BZW2: variants seen among roughly 807,000 people sequenced by gnomAD.
BZW2 encodes eIF5-mimic protein 1.
A neutral mutation model predicts 53.2 loss-of-function variants in BZW2; 23 were observed. That is an observed-to-expected ratio of 0.43 (90% CI 0.31 to 0.61). The LOEUF (loss-of-function observed/expected upper bound fraction) is 0.61, where lower values mean the gene tolerates loss of function less well. BZW2 is among the 20% of genes least tolerant of loss of function. BZW2 has a pLI of 0.09. For missense variants in BZW2, 409 were observed against 503.1 expected, an observed-to-expected ratio of 0.81 and a Z score of 1.79; for synonymous variants, 227 against 186.4, an observed-to-expected ratio of 1.22 and a Z score of -1.77.
At chr7:16,680,591 G>T (rs548115329) in intron 3 of BZW2, among the ~76,000 whole-genome samples, 115 of 152,184 alleles carry the variant, frequency 7.6e-4, no homozygotes, top group South Asian at 4.1e-3. Context: ...GACCACTTGA[G>T]CCCAGTAGTT....
At chr7:16,676,995 GT>G (rs1782785116) in intron 3 of BZW2, among the ~76,000 whole-genome samples, 2 of 150,000 alleles carry the variant, frequency 1.3e-5, no homozygotes, top group Admixed American at 1.3e-4. Flanking sequence ...TTTGTGTTGA[GT>G]TTCTTAAAGT....
chr7:16,666,055 T>C (rs1028070833), intron 2 of BZW2, among the ~76,000 whole-genome samples: 5 of 152,186 alleles, frequency 3.3e-5, no homozygotes, highest in Admixed American at 1.3e-4. Context: ...TGACTGTTTT[T>C]TTATAATGTT....
At position 16,681,233 on chromosome 7, in the gene BZW2, G is replaced by A. The variant is rs1456039403; in HGVS notation, c.236-68G>A. The A allele has an allele frequency of 4.2e-6, 5 of 1,196,730 alleles. No individual in the cohort carries two copies. In the African/African-American group the frequency reaches 7.6e-5, roughly 18 times the overall value. 74.1% of individuals were successfully genotyped at this position (1,196,730 alleles called of 1,614,324 possible). On this transcript the variant is annotated intron_variant, in intron 3 of 11. Coordinates refer to ENST00000258761, the MANE Select transcript of BZW2 (RefSeq NM_014038.3). ...TTATTTTCTTTCATTTGCCAGAATT[G>A]ATGTGTTCTGCAAATGCTGTTCTCA...
At chr7:16,662,523 C>T (rs1390795539) in intron 1 of BZW2, among the ~76,000 whole-genome samples, 2 of 152,016 alleles carry the variant, frequency 1.3e-5, no homozygotes, top group Non-Finnish European at 2.9e-5. Flanking sequence ...AAACAAGGTG[C>T]AAAGAGTTAA....
At chr7:16,674,350 A>T in intron 2 of BZW2, 62 bp from the exon 3 acceptor site, 2 of 1,253,090 alleles carry the variant, frequency 1.6e-6, no homozygotes, top group South Asian at 2.1e-5. Flanking sequence ...TAAAGTTTTG[A>T]TTGTTATACT....
chr7:16,674,560 C>T lies in BZW2; in HGVS notation c.207C>T (p.Phe69=), dbSNP rs779315221. ...ATCGTCGCTATGCAGACACACTCTT[C>T]GATATCCTGGTGGCTGGCAGTATGC... ...LDYRRYADTL[F]DILVAGSMLA... Residue 69 remains phenylalanine (F), a synonymous_variant, in exon 3 of 12, where the codon TTC becomes TTT. Coordinates refer to ENST00000258761, the MANE Select transcript of BZW2 (RefSeq NM_014038.3). 56 of 1,605,178 alleles carry T rather than the reference C, an allele frequency of 3.5e-5. No homozygotes were observed. The highest frequency in any genetic ancestry group is 7.8e-5 in the South Asian group (7 of 89,316).
chr7:16,670,800 T>A (rs1782575816), intron 2 of BZW2, among the ~76,000 whole-genome samples: 1 of 152,218 alleles, frequency 6.6e-6, no homozygotes, highest in South Asian at 2.1e-4. Context: ...ACCATTTGCA[T>A]GTTCTTGACT....
At chr7:16,701,863 A>G (rs550986698) in intron 10 of BZW2, among the ~76,000 whole-genome samples, 3 of 152,252 alleles carry the variant, frequency 2.0e-5, no homozygotes, top group African/African-American at 7.2e-5. Context: ...CACCATGTCA[A>G]TTGCTGAAAT....
intron 6 of BZW2, among the ~76,000 whole-genome samples, chr7:16,687,904 T>C (rs3807482): frequency 0.15 from 22,263 of 152,168 alleles, 2,104 homozygotes; most frequent in East Asian, 0.38. Context: ...TACAGCCTAG[T>C]GTTAATTTAT....
intron 4 of BZW2, among the ~76,000 whole-genome samples, chr7:16,682,412 T>C (rs1291397326): frequency 1.3e-5 from 2 of 152,190 alleles, no homozygotes; most frequent in Non-Finnish European, 2.9e-5. Flanking sequence ...TGTCCTGCAC[T>C]TTGCTCTCCT....
rs1342134186 is a variant in BZW2 at position 16,678,242 on chromosome 7, G to A, written c.236-3059G>A. On this transcript the variant is annotated intron_variant, in intron 3 of 11. Transcript: ENST00000258761. ...CAGCTAATTTTGTAATTTTAGTAGG[G>A]ATGGGGTTTCCACCATGTTGGCTAG... Among the ~76,000 whole-genome samples, 9 of 151,786 alleles carry A rather than the reference G, an allele frequency of 5.9e-5. No individual in the cohort carries two copies. The East Asian group carries it at 1.5e-3, about 26-fold the overall frequency.
chr7:16,656,323 T>G (rs985643398), intron 1 of BZW2, among the ~76,000 whole-genome samples: 1 of 152,116 alleles, frequency 6.6e-6, no homozygotes, highest in African/African-American at 2.4e-5. Context: ...ATACATCTGT[T>G]TCCTCATGAT....
At chr7:16,698,355 G>A (rs1363940645) in intron 10 of BZW2, 169 bp downstream of exon 10, 1 of 884,046 alleles carries the variant, frequency 1.1e-6, no homozygotes, top group African/African-American at 1.7e-5. Context: ...GAGAGAGGAG[G>A]CATACACGCC....
At chr7:16,671,409 A>T (rs1782595031) in intron 2 of BZW2, among the ~76,000 whole-genome samples, 1 of 152,228 alleles carries the variant, frequency 6.6e-6, no homozygotes, top group African/African-American at 2.4e-5. Flanking sequence ...TCTGTGCCTT[A>T]AAACTAGCCC....
intron 7 of BZW2, among the ~76,000 whole-genome samples, chr7:16,691,334 A>G (rs1220036662): frequency 6.6e-6 from 1 of 152,200 alleles, no homozygotes; most frequent in African/African-American, 2.4e-5. Flanking sequence ...CAGAAGCAAA[A>G]GTCACAGAAG....
intron 7 of BZW2, among the ~76,000 whole-genome samples, chr7:16,692,207 C>T (rs1488551076): frequency 6.6e-6 from 1 of 152,104 alleles, no homozygotes; most frequent in Non-Finnish European, 1.5e-5. Context: ...TTTATAGCAA[C>T]TCAGAGAGGT....
At chr7:16,648,116 T>A (rs1393524877) in intron 1 of BZW2, among the ~76,000 whole-genome samples, 1 of 152,238 alleles carries the variant, frequency 6.6e-6, no homozygotes. Flanking sequence ...AGATTCATAA[T>A]GGGTACTGTT....
chr7:16,656,923 T>C (rs577799692), intron 1 of BZW2, among the ~76,000 whole-genome samples: 2 of 152,316 alleles, frequency 1.3e-5, no homozygotes, highest in Non-Finnish European at 2.9e-5. Context: ...GTTGTTTTGA[T>C]CTAGCTTGAT....
intron 7 of BZW2, among the ~76,000 whole-genome samples, chr7:16,690,189 A>C (rs1783256132): frequency 6.6e-6 from 1 of 151,490 alleles, no homozygotes; most frequent in African/African-American, 2.4e-5. Context: ...ACTTTGTTTT[A>C]TAGCCATAAC....
Sources: allele counts gnomAD v4.1 joint callset (sites outside exome capture counted in the v4.1 genomes callset), GRCh38; gene constraint gnomAD v4.1.1; transcripts MANE v1.5; gene names NCBI Gene and HGNC (gene_info 2026-07-23, HGNC 2026-07-21).